Variants in TNIK observed in about 807,000 individuals in gnomAD.
TNIK encodes the protein TRAF2 and NCK interacting kinase.
TNIK carries 49 observed loss-of-function variants against 191.3 expected under a neutral mutation model. The ratio of observed to expected loss-of-function variants is 0.26; its 90% CI spans 0.20 to 0.32. The LOEUF (loss-of-function observed/expected upper bound fraction) is 0.32, where lower values mean the gene tolerates loss of function less well. TNIK is among the 10% of genes least tolerant of loss of function. The pLI, the probability that TNIK is intolerant of heterozygous loss-of-function variation, is 1.00. For synonymous variants in TNIK, 594 were observed against 600.9 expected (o/e 0.99, Z 0.17); for missense variants, 1,155 against 1,702.3 (o/e 0.68, Z 5.66).
Position 171,174,834 on chromosome 3 carries a change from C to A in TNIK, c.773+418G>T, listed in dbSNP as rs185129752. On this transcript the variant is annotated intron_variant, in intron 9 of 32. Coordinates refer to ENST00000436636, the MANE Select transcript of TNIK (RefSeq NM_015028.4). ...CCAGAGAAATAATCTCAAACATTACCTGGTATGTATATGCACTTAGGGAAT... is the reference window on the plus strand; with the variant it reads ...CCAGAGAAATAATCTCAAACATTACATGGTATGTATATGCACTTAGGGAAT... 8.5e-5 allele frequency among the ~76,000 whole-genome samples: 13 copies of A among 152,122 alleles called. No homozygotes were observed. In the East Asian group the frequency reaches 2.5e-3, roughly 29 times the overall value.
At chr3:171,383,064 G>GA (rs1045616268) in intron 1 of TNIK, among the ~76,000 whole-genome samples, 1 of 152,004 alleles carries the variant, frequency 6.6e-6, no homozygotes, top group African/African-American at 2.4e-5. Context: ...GCTCACAAGA[G>GA]AAAAAAAGCG....
At chr3:171,143,528 G>A (rs1157331432) in intron 12 of TNIK, among the ~76,000 whole-genome samples, 6 of 152,190 alleles carry the variant, frequency 3.9e-5, no homozygotes, top group Non-Finnish European at 8.8e-5. Context: ...AAACTTGAGG[G>A]AAAAGACAAC....
chr3:171,289,215 T>C (rs1450964408), intron 2 of TNIK, among the ~76,000 whole-genome samples: 2 of 152,162 alleles, frequency 1.3e-5, no homozygotes, highest in Non-Finnish European at 2.9e-5. Context: ...CAAAGACTAA[T>C]TGTGTGTCCT....
chr3:171,403,396 C>G (rs1431675289), intron 1 of TNIK, among the ~76,000 whole-genome samples: 8 of 151,930 alleles, frequency 5.3e-5, no homozygotes, highest in Non-Finnish European at 2.9e-5. Flanking sequence ...AGGCAGATTA[C>G]CTGAGATCAG....
chr3:171,422,350 C>T (rs1723923677), intron 1 of TNIK, among the ~76,000 whole-genome samples: 1 of 152,058 alleles, frequency 6.6e-6, no homozygotes, highest in South Asian at 2.1e-4. Context: ...ACACACACCA[C>T]ATGTTTATAC....
rs1715709435 is a variant in TNIK, at chr3:171,366,230, A to C, written c.123+3390T>G. 2.0e-5 allele frequency among the ~76,000 whole-genome samples: 3 copies of C among 152,130 alleles called. No individual in the cohort carries two copies. Among genetic ancestry groups the C allele is most frequent in the Non-Finnish European group, 4.4e-5 (3 of 68,020 alleles). Reference sequence around the variant, plus strand: ...TTAAAAGTCCTGAGAGTGAATCACTATTCTTTATTATTTACCTATGCTCCT... The same window carrying C: ...TTAAAAGTCCTGAGAGTGAATCACTCTTCTTTATTATTTACCTATGCTCCT... On this transcript the variant is annotated intron_variant, in intron 2 of 32. Transcript: ENST00000436636. The surrounding 1 kb of genome is among the most constrained non-coding windows in gnomAD (Gnocchi z 4.1).
chr3:171,213,951 A>G (rs1288323229), intron 3 of TNIK, among the ~76,000 whole-genome samples: 4 of 152,214 alleles, frequency 2.6e-5, no homozygotes, highest in Non-Finnish European at 4.4e-5. Context: ...TTACTAATCT[A>G]CATAACCAAA....
chr3:171,212,439 G>A (rs1488593766), intron 3 of TNIK, among the ~76,000 whole-genome samples: 1 of 152,052 alleles, frequency 6.6e-6, no homozygotes, highest in Non-Finnish European at 1.5e-5. Context: ...TGGTATGGAG[G>A]TATGTCCCAT....
rs1736462750 is a variant in TNIK at position 171,180,126 on chromosome 3, T to C, written c.640-2746A>G. ...CAATACATGTGAAAGAAAATGATGG[T>C]TCTGGGGTAAGAAGAACTCAAGGCC... On this transcript the variant is annotated intron_variant, in intron 7 of 32. Transcript: ENST00000436636. Among the ~76,000 whole-genome samples the C allele has an allele frequency of 2.0e-5, 3 of 152,276 alleles. No homozygotes were observed. The South Asian group carries it at 6.2e-4, about 32-fold the overall frequency.
chr3:171,355,369 G>T (rs1006488116), intron 2 of TNIK, among the ~76,000 whole-genome samples: 5 of 152,188 alleles, frequency 3.3e-5, no homozygotes, highest in Non-Finnish European at 7.4e-5. Context: ...AGTATTTGAA[G>T]TGTCTCTTCA....
At chr3:171,248,602 G>A (rs1319456294) in intron 2 of TNIK, among the ~76,000 whole-genome samples, 3 of 152,164 alleles carry the variant, frequency 2.0e-5, no homozygotes, top group African/African-American at 7.2e-5. Flanking sequence ...GGTGTGTAGG[G>A]TGTGAGGGAG....
intron 19 of TNIK, among the ~76,000 whole-genome samples, chr3:171,108,863 C>T (rs143584856): frequency 7.2e-5 from 11 of 152,154 alleles, no homozygotes; most frequent in African/African-American, 2.7e-4. Context: ...TCAAGGGGAC[C>T]CTGACAGCTG....
At chr3:171,219,257 G>T (rs1741972868) in intron 3 of TNIK, among the ~76,000 whole-genome samples, 3 of 138,510 alleles carry the variant, frequency 2.2e-5, no homozygotes, top group South Asian at 2.2e-4. Flanking sequence ...ATATAATTTA[G>T]TAATAATTAT....
intron 2 of TNIK, among the ~76,000 whole-genome samples, chr3:171,327,898 CATAAAAAA>C (rs1338164286): frequency 7.0e-5 from 2 of 28,632 alleles, no homozygotes; most frequent in South Asian, 1.2e-3. Context: ...AAACCTGGCT[CATAAAAAA>C]AAAAAAAAAA....
intron 7 of TNIK, among the ~76,000 whole-genome samples, chr3:171,183,208 C>A (rs772941364): frequency 6.6e-6 from 1 of 152,156 alleles, no homozygotes; most frequent in Non-Finnish European, 1.5e-5. Flanking sequence ...TGTCCTCCTT[C>A]CTCCTCCAGA....
intron 7 of TNIK, among the ~76,000 whole-genome samples, chr3:171,183,766 C>CA (rs1736990748): frequency 6.6e-6 from 1 of 151,850 alleles, no homozygotes; most frequent in African/African-American, 2.4e-5. Flanking sequence ...ACTAAAAACA[C>CA]AAAAATTCAC....
chr3:171,099,804 G>A (rs1723199408), intron 22 of TNIK, among the ~76,000 whole-genome samples: 1 of 152,154 alleles, frequency 6.6e-6, no homozygotes, highest in East Asian at 1.9e-4. Flanking sequence ...CTACAGTGGG[G>A]AGTAAGTCCT....
chr3:171,382,160 C>T (rs1308217800), intron 1 of TNIK, among the ~76,000 whole-genome samples: 1 of 150,878 alleles, frequency 6.6e-6, no homozygotes, highest in Non-Finnish European at 1.5e-5. Context: ...AAGGACTCTT[C>T]TCCATTAGCC....
intron 3 of TNIK, among the ~76,000 whole-genome samples, chr3:171,226,010 T>C (rs1261536323): frequency 6.6e-6 from 1 of 152,190 alleles, no homozygotes; most frequent in Non-Finnish European, 1.5e-5. Flanking sequence ...TGATTTGTTC[T>C]GTGGTTGGAG....
Sources: allele counts gnomAD v4.1 joint callset (sites outside exome capture counted in the v4.1 genomes callset), GRCh38; gene constraint gnomAD v4.1.1; non-coding constraint Gnocchi (gnomAD v3.1); transcripts MANE v1.5; gene names NCBI Gene and HGNC (gene_info 2026-07-23, HGNC 2026-07-21).